The following HIGD1A variants were observed in gnomAD, a reference collection of about 807,000 sequenced individuals.
HIGD1A encodes the protein HIG1 domain family member 1A, mitochondrial.
A neutral mutation model predicts 11.3 loss-of-function variants in HIGD1A; 8 were observed. The observed-to-expected ratio is 0.71, with a 90% confidence interval of 0.42 to 1.28. HIGD1A has a LOEUF of 1.28. Ranked by LOEUF, HIGD1A falls within the 50% of genes most tolerant of loss-of-function variation. The pLI is 0.01. For synonymous variants in HIGD1A, 32 were observed against 38.4 expected (o/e 0.83, Z 0.62); for missense variants, 107 against 118.8 (o/e 0.90, Z 0.46).
chr3:42,799,506 GCTGGAGCACGAT>G (rs1428499340), intron 1 of HIGD1A, among the ~76,000 whole-genome samples: 1 of 152,154 alleles, frequency 6.6e-6, no homozygotes, highest in Admixed American at 6.5e-5. Context: ...TGCCACGCAG[GCTGGAGCACGAT>G]CTCGATCTTT....
rs944555684 is a variant in HIGD1A at position 42,804,485 on chromosome 3, G to T, written c.-72C>A. On this transcript the variant is annotated 5_prime_UTR_variant, in exon 1 of 4. Coordinates refer to ENST00000321331, the MANE Select transcript of HIGD1A (RefSeq NM_014056.4). ...CCCAACCGGCTTCCGATCCCTGCAG[G>T]CGCACCCAGTCCTCCCGGCTTCTCC... The T allele has an allele frequency of 1.5e-5, 7 of 453,712 alleles. No individual in the cohort carries two copies. Among genetic ancestry groups the T allele is most frequent in the African/African-American group, 1.4e-4 (7 of 49,320 alleles). The allele number at this position is 453,712 out of a possible 1,614,324, so 28.1% of individuals were successfully genotyped here.
At chr3:42,790,823 C>T (rs534056494) in intron 2 of HIGD1A, among the ~76,000 whole-genome samples, 8 of 152,098 alleles carry the variant, frequency 5.3e-5, no homozygotes, top group African/African-American at 1.4e-4. Context: ...TTTTCAGACA[C>T]GGCGTCTTCC....
chr3:42,785,407 G>C, intron 3 of HIGD1A, 87 bp from the exon 4 acceptor site: 1 of 1,003,218 alleles, frequency 1.0e-6, no homozygotes, highest in Non-Finnish European at 1.6e-6. Context: ...GCTGAAAGTA[G>C]CACCACTGCT....
intron 2 of HIGD1A, among the ~76,000 whole-genome samples, chr3:42,790,391 G>C (rs1700409036): frequency 6.6e-6 from 1 of 152,178 alleles, no homozygotes; most frequent in Non-Finnish European, 1.5e-5. Context: ...AAATTAGCCA[G>C]GTATGGTGGC....
chr3:42,800,133 C>T (rs1384298044), intron 1 of HIGD1A, among the ~76,000 whole-genome samples: 1 of 151,968 alleles, frequency 6.6e-6, no homozygotes, highest in Non-Finnish European at 1.5e-5. Flanking sequence ...CGAAACCAGC[C>T]TGGTCAACAT....
At chr3:42,791,244 A>G (rs755665410) in intron 2 of HIGD1A, among the ~76,000 whole-genome samples, 10 of 152,226 alleles carry the variant, frequency 6.6e-5, no homozygotes, top group Non-Finnish European at 1.5e-4. Flanking sequence ...CATACCTACA[A>G]ATAAATTCCA....
intron 2 of HIGD1A, among the ~76,000 whole-genome samples, chr3:42,787,740 C>A (rs188640354): frequency 2.1e-4 from 31 of 150,446 alleles, no homozygotes; most frequent in African/African-American, 7.5e-4. Context: ...ATGGGAAAAT[C>A]TGTCTCTTTC....
intron 2 of HIGD1A, among the ~76,000 whole-genome samples, chr3:42,790,511 C>T (rs911903947): frequency 1.1e-4 from 17 of 152,026 alleles, no homozygotes; most frequent in Admixed American, 7.9e-4. Flanking sequence ...CCAGCCTGAG[C>T]GACAGAGCAA....
chr3:42,794,707 T>C lies in HIGD1A; in HGVS notation c.-22-432A>G, dbSNP rs568282284. On this transcript the variant is annotated intron_variant, in intron 1 of 3. Coordinates refer to ENST00000321331, the MANE Select transcript of HIGD1A (RefSeq NM_014056.4). ...TCAATATCATGTTGGAAATCCTACT[T>C]AGCACTTTTCGGTGTAGTTAAATGC... 2.0e-5 allele frequency among the ~76,000 whole-genome samples: 3 copies of C among 152,324 alleles called. No individual in the cohort carries two copies. The South Asian group carries it at 6.2e-4, about 32-fold the overall frequency.
chr3:42,800,724 G>A (rs1238898272), intron 1 of HIGD1A, among the ~76,000 whole-genome samples: 1 of 151,670 alleles, frequency 6.6e-6, no homozygotes, highest in African/African-American at 2.4e-5. Flanking sequence ...GCCTAAGTGG[G>A]GCTGAAATCA....
Position 42,783,508 on chromosome 3 carries a change from G to A in HIGD1A, c.*1763C>T, listed in dbSNP as rs1700306304. Among the ~76,000 whole-genome samples the A allele has an allele frequency of 6.6e-6, 1 of 151,686 alleles. No individual in the cohort carries two copies. Among genetic ancestry groups the A allele is most frequent in the South Asian group, 2.1e-4 (1 of 4,796 alleles). On this transcript the variant is annotated 3_prime_UTR_variant, in exon 4 of 4. Transcript: ENST00000321331. Reference sequence around the variant, plus strand: ...CGCATGCCTGTAATCCCAGCTACTCGGAAGGTTGAAGCATCAGAATCGCAC... The same window carrying A: ...CGCATGCCTGTAATCCCAGCTACTCAGAAGGTTGAAGCATCAGAATCGCAC...
At chr3:42,802,021 C>G (rs754790368) in intron 1 of HIGD1A, among the ~76,000 whole-genome samples, 1 of 152,142 alleles carries the variant, frequency 6.6e-6, no homozygotes, top group Non-Finnish European at 1.5e-5. Flanking sequence ...CAGGCAAGAC[C>G]CTTGCTGAGG....
rs1420088274 is a variant in HIGD1A, at chr3:42,784,160, GTAAAA to G, written c.*1106_*1110del. 1.3e-5 allele frequency: 2 copies of G among 150,586 alleles called. No individual in the cohort carries two copies. Among genetic ancestry groups the G allele is most frequent in the Non-Finnish European group, 3.0e-5 (2 of 67,694 alleles). 9.3% of individuals were successfully genotyped at this position (150,586 alleles called of 1,614,324 possible). On this transcript the variant is annotated 3_prime_UTR_variant, in exon 4 of 4. Transcript: ENST00000321331. ...GAAAAAAAATAAAACATACCATAAA[GTAAAA>G]TATTTTTAAAATCGTTGAAACAGAA...
chr3:42,801,778 T>G (rs922630302), intron 1 of HIGD1A, among the ~76,000 whole-genome samples: 1 of 152,242 alleles, frequency 6.6e-6, no homozygotes, highest in African/African-American at 2.4e-5. Context: ...TTTTAAAAAC[T>G]AAAAACTTCT....
chr3:42,800,831 TAA>T (rs35928474), intron 1 of HIGD1A, among the ~76,000 whole-genome samples: 2 of 144,676 alleles, frequency 1.4e-5, no homozygotes, highest in Admixed American at 6.9e-5. Context: ...CCCGGTCCTT[TAA>T]AAAAAAAAAA....
At chr3:42,800,474 C>T (rs1700542452) in intron 1 of HIGD1A, among the ~76,000 whole-genome samples, 1 of 152,072 alleles carries the variant, frequency 6.6e-6, no homozygotes, top group Non-Finnish European at 1.5e-5. Flanking sequence ...CTCTCTATAC[C>T]TCTAAGCCTT....
chr3:42,794,828 C>G (rs983402854), intron 1 of HIGD1A, among the ~76,000 whole-genome samples: 1 of 152,130 alleles, frequency 6.6e-6, no homozygotes, highest in African/African-American at 2.4e-5. Flanking sequence ...TTACAGTAAT[C>G]TGTTATCCAT....
chr3:42,784,762 C>G lies in HIGD1A; in HGVS notation c.*509G>C, dbSNP rs1700328964. 6.5e-6 allele frequency: 1 copy of G among 153,290 alleles called. No homozygotes were observed. The highest frequency in any genetic ancestry group is 2.1e-4 in the South Asian group (1 of 4,838). 9.5% of individuals were successfully genotyped at this position (153,290 alleles called of 1,614,324 possible). Reference sequence around the variant, plus strand: ...AAGCTTTCTGGATTTGGTTTAAACACATGCATATATATTGTCAATTGTGGG... The same window carrying G: ...AAGCTTTCTGGATTTGGTTTAAACAGATGCATATATATTGTCAATTGTGGG... On this transcript the variant is annotated 3_prime_UTR_variant, in exon 4 of 4. Coordinates refer to ENST00000321331, the MANE Select transcript of HIGD1A (RefSeq NM_014056.4).
chr3:42,786,079 T>A lies in HIGD1A; in HGVS notation c.181A>T (p.Ile61Phe), dbSNP rs903708810. The change falls in exon 3 of 4, where the codon ATC (isoleucine) becomes TTC (phenylalanine). Residue 61 changes from isoleucine (I) to phenylalanine (F), a missense_variant. Coordinates refer to ENST00000321331, the MANE Select transcript of HIGD1A (RefSeq NM_014056.4). The stretch of plus-strand genomic sequence containing the variant: ...CCTTGGGCTGCCACACGCATGTGGA[T>A]CAGATGAATGGACATTTTAGTATTT... ...RGNTKMSIHL[I>F]HMRVAAQGFV... 6.2e-7 allele frequency: 1 copy of A among 1,613,346 alleles called. No homozygotes were observed. The highest frequency in any genetic ancestry group is 1.3e-5 in the African/African-American group (1 of 74,904).
Sources: gnomAD v4.1 joint callset for allele counts (sites outside exome capture counted in the v4.1 genomes callset) on GRCh38, gnomAD v4.1.1 for gene constraint, MANE v1.5 for transcripts, NCBI Gene and HGNC (gene_info 2026-07-23, HGNC 2026-07-21) for gene names.